The following MOB1B variants were observed in gnomAD, a reference collection of about 807,000 sequenced individuals.
MOB1B encodes MOB1 Mps One Binder homolog B.
A neutral mutation model predicts 24.4 loss-of-function variants in MOB1B; 19 were observed. That is an observed-to-expected ratio of 0.78 (90% CI 0.54 to 1.14). The LOEUF is 1.14. Among genes scored for constraint, MOB1B ranks in the 50% most tolerant of loss-of-function variants. The pLI is 0.00. For missense variants in MOB1B, 243 were observed against 259.6 expected, an observed-to-expected ratio of 0.94 and a Z score of 0.44; for synonymous variants, 76 against 82.1, an observed-to-expected ratio of 0.93 and a Z score of 0.40.
At position 70,918,475 on chromosome 4, in the gene MOB1B, G is replaced by C. The variant is rs370197602; in HGVS notation, c.14+15925G>C. 7.3e-3 allele frequency among the ~76,000 whole-genome samples: 1,117 copies of C among 151,978 alleles called. 12 individuals are homozygous for C. Among genetic ancestry groups the C allele is most frequent in the African/African-American group, 0.026 (1,078 of 41,412 alleles). ...GCATTTTTTCATGTGTTTTTTGGCT[G>C]CATAAATGTCTTCTTTTGAGAAGTG... On this transcript the variant is annotated intron_variant, in intron 1 of 5. Coordinates refer to ENST00000309395, the MANE Select transcript of MOB1B (RefSeq NM_173468.4).
chr4:70,973,469 C>CAAAAAAAAAAAAAAAAAAAAAAAAAAA (rs528813623), intron 3 of MOB1B, among the ~76,000 whole-genome samples: 1 of 49,424 alleles, frequency 2.0e-5, no homozygotes, highest in Non-Finnish European at 4.8e-5. Flanking sequence ...GACCCTGTCT[C>CAAAAAAAAAAAAAAAAAAAAAAAAAAA]AAAAAAAAAA....
chr4:70,939,534 T>G (rs1396219060), intron 1 of MOB1B, among the ~76,000 whole-genome samples: 1 of 152,114 alleles, frequency 6.6e-6, no homozygotes, highest in Non-Finnish European at 1.5e-5. Context: ...AATACAAAAT[T>G]ATCCAGGCAT....
At chr4:70,927,251 G>A (rs1415592232) in intron 1 of MOB1B, among the ~76,000 whole-genome samples, 1 of 151,346 alleles carries the variant, frequency 6.6e-6, no homozygotes, top group African/African-American at 2.4e-5. Context: ...GAAAAAAATT[G>A]CTGTCAGCCA....
At chr4:70,949,330 C>T (rs1048160690) in intron 1 of MOB1B, among the ~76,000 whole-genome samples, 2 of 152,204 alleles carry the variant, frequency 1.3e-5, no homozygotes, top group Admixed American at 6.5e-5. Flanking sequence ...GTAGATATGT[C>T]TGTTCAGACT....
intron 1 of MOB1B, among the ~76,000 whole-genome samples, chr4:70,951,288 CTG>C (rs1737793611): frequency 1.3e-5 from 2 of 152,106 alleles, no homozygotes; most frequent in South Asian, 4.1e-4. Context: ...TTCCGTGAAA[CTG>C]GTCCCTAGTG....
At chr4:70,933,189 C>G (rs1736949104) in intron 1 of MOB1B, among the ~76,000 whole-genome samples, 1 of 152,124 alleles carries the variant, frequency 6.6e-6, no homozygotes, top group African/African-American at 2.4e-5. Context: ...CACTTTTAAA[C>G]CACCAGATCT....
At chr4:70,947,842 G>T (rs1737650015) in intron 1 of MOB1B, among the ~76,000 whole-genome samples, 1 of 152,142 alleles carries the variant, frequency 6.6e-6, no homozygotes, top group Admixed American at 6.6e-5. Flanking sequence ...CTTCTGAGAT[G>T]AAGTGATCTG....
chr4:70,907,789 G>C (rs1428061421), intron 1 of MOB1B, among the ~76,000 whole-genome samples: 1 of 152,074 alleles, frequency 6.6e-6, no homozygotes. Flanking sequence ...CTCCAGCCTG[G>C]GTGACAGAGT....
chr4:70,918,395 G>A (rs1397945824), intron 1 of MOB1B, among the ~76,000 whole-genome samples: 2 of 151,438 alleles, frequency 1.3e-5, no homozygotes, highest in African/African-American at 4.9e-5. Context: ...ACTGGTGTGA[G>A]ATGGTATCTC....
intron 1 of MOB1B, among the ~76,000 whole-genome samples, chr4:70,922,436 G>C (rs1224913972): frequency 6.6e-6 from 1 of 152,176 alleles, no homozygotes; most frequent in African/African-American, 2.4e-5. Context: ...CAGAAAGGCA[G>C]GACAATTCGA....
chr4:70,937,127 A>G (rs1425596003), intron 1 of MOB1B, among the ~76,000 whole-genome samples: 2 of 152,116 alleles, frequency 1.3e-5, no homozygotes, highest in Admixed American at 1.3e-4. Flanking sequence ...CATATTGGCT[A>G]GGCAGATCTC....
intron 1 of MOB1B, among the ~76,000 whole-genome samples, chr4:70,907,228 AATT>A (rs1735786070): frequency 6.6e-6 from 1 of 152,176 alleles, no homozygotes; most frequent in Admixed American, 6.5e-5. Flanking sequence ...TTGGTGGCCC[AATT>A]ATTGGCCTGG....
chr4:70,959,854 C>A lies in MOB1B; in HGVS notation c.181+814C>A, dbSNP rs189784287. Among the ~76,000 whole-genome samples, 8 of 152,156 alleles carry A rather than the reference C, an allele frequency of 5.3e-5. No individual in the cohort carries two copies. The East Asian group carries it at 1.5e-3, about 29-fold the overall frequency. On this transcript the variant is annotated intron_variant, in intron 2 of 5. Coordinates refer to ENST00000309395, the MANE Select transcript of MOB1B (RefSeq NM_173468.4). ...CTAAATTGCCTTTCTCAGTGGCATACTCAGTTATTTGTCTAATTGTGCTTT... is the reference window on the plus strand; with the variant it reads ...CTAAATTGCCTTTCTCAGTGGCATAATCAGTTATTTGTCTAATTGTGCTTT...
rs750563749 is a variant in MOB1B, at chr4:70,979,171, A to G, written c.453A>G (p.Ile151Met). 1.2e-6 allele frequency: 2 copies of G among 1,613,414 alleles called. No individual in the cohort carries two copies. Among genetic ancestry groups the G allele is most frequent in the Admixed American group, 3.3e-5 (2 of 59,966 alleles). Residue 151 changes from isoleucine to methionine, a missense_variant, in exon 5 of 6, where the codon ATA becomes ATG. Transcript: ENST00000309395. ...ATTTCATGTCTGTGGCAAAAACTATACTCAAACGCCTCTTTAGGGTTTATG... is the reference window on the plus strand; with the variant it reads ...ATTTCATGTCTGTGGCAAAAACTATGCTCAAACGCCTCTTTAGGGTTTATG... ...PKNFMSVAKT[I>M]LKRLFRVYAH...
At chr4:70,906,220 T>TA (rs1185761765) in intron 1 of MOB1B, among the ~76,000 whole-genome samples, 3 of 151,614 alleles carry the variant, frequency 2.0e-5, no homozygotes, top group Non-Finnish European at 4.4e-5. Flanking sequence ...CTACTAAAAA[T>TA]AAAAAAAATT....
rs549633413 is a variant in MOB1B at position 70,943,751 on chromosome 4, T to C, written c.15-15123T>C. ...GTACCTAAATGGGTTTATATATTGG[T>C]AAATTAGAGAATCAGTTATATCAAG... is the stretch of plus-strand genomic sequence containing the variant. On this transcript the variant is annotated intron_variant, in intron 1 of 5. Transcript: ENST00000309395. Among the ~76,000 whole-genome samples the C allele has an allele frequency of 7.1e-4, 108 of 152,286 alleles. 1 individual carries two copies. Among genetic ancestry groups the C allele is most frequent in the African/African-American group, 2.5e-3 (102 of 41,554 alleles).
chr4:70,965,064 G>T (rs568443169), intron 2 of MOB1B, among the ~76,000 whole-genome samples: 1 of 151,494 alleles, frequency 6.6e-6, no homozygotes, highest in East Asian at 2.0e-4. Context: ...TTGGGAGGCC[G>T]AGGTAGGTGG....
At chr4:70,933,152 A>G (rs534474821) in intron 1 of MOB1B, among the ~76,000 whole-genome samples, 21 of 152,276 alleles carry the variant, frequency 1.4e-4, no homozygotes, top group Non-Finnish European at 2.2e-4. Context: ...GACAGGAGAG[A>G]GAGAGAACAA....
rs969299296 is a variant in MOB1B, at chr4:70,988,109, AAAG to A, written c.*6058_*6060del. On this transcript the variant is annotated 3_prime_UTR_variant, in exon 6 of 6. Transcript: ENST00000309395. ...AAATTCTAGGTGTTTTTTTTTTTTTAAAGAAGAAACTCAATGTTTATAAGAAAA... is the reference window on the plus strand; with the variant it reads ...AAATTCTAGGTGTTTTTTTTTTTTTAAAGAAACTCAATGTTTATAAGAAAA... 6.7e-6 allele frequency: 1 copy of A among 149,670 alleles called. No individual in the cohort carries two copies. The highest frequency in any genetic ancestry group is 6.6e-5 in the Admixed American group (1 of 15,094). 9.3% of individuals were successfully genotyped at this position (149,670 alleles called of 1,614,324 possible).
Sources: gnomAD v4.1 joint callset for allele counts (sites outside exome capture counted in the v4.1 genomes callset) on GRCh38, gnomAD v4.1.1 for gene constraint, MANE v1.5 for transcripts, NCBI Gene and HGNC (gene_info 2026-07-23, HGNC 2026-07-21) for gene names.